The following UBE3D variants were observed in gnomAD, a reference collection of about 807,000 sequenced individuals.
The protein encoded by UBE3D is E3 ubiquitin-protein ligase E3D.
UBE3D carries 48 observed loss-of-function variants against 49.6 expected under a neutral mutation model. That is an observed-to-expected ratio of 0.97 (90% confidence interval 0.77 to 1.23). The LOEUF (loss-of-function observed/expected upper bound fraction) is 1.23. Ranked by LOEUF, UBE3D falls within the 50% of genes most tolerant of loss-of-function variation. UBE3D has a pLI of 0.00. For synonymous variants in UBE3D, 189 were observed against 174.2 expected, an observed-to-expected ratio of 1.08 and a Z score of -0.67; for missense variants, 452 against 468.4, an observed-to-expected ratio of 0.96 and a Z score of 0.32.
intron 8 of UBE3D, among the ~76,000 whole-genome samples, chr6:82,961,575 T>C (rs920274037): frequency 1.3e-5 from 2 of 152,218 alleles, no homozygotes; most frequent in East Asian, 3.8e-4. Context: ...CACACCACAC[T>C]GACTGCTGAG....
chr6:82,993,078 TGGTGTTA>T (rs1207508613), intron 8 of UBE3D, among the ~76,000 whole-genome samples: 1 of 151,514 alleles, frequency 6.6e-6, no homozygotes, highest in Non-Finnish European at 1.5e-5. Context: ...ACCTTATCTC[TGGTGTTA>T]GGTTATTGTG....
At chr6:83,040,479 C>T (rs1421144346) in intron 4 of UBE3D, among the ~76,000 whole-genome samples, 1 of 151,884 alleles carries the variant, frequency 6.6e-6, no homozygotes, top group Non-Finnish European at 1.5e-5. Context: ...TTCTCTATGG[C>T]CTATTCTTTC....
At chr6:82,920,469 A>C (rs1040803367) in intron 9 of UBE3D, among the ~76,000 whole-genome samples, 39 of 152,234 alleles carry the variant, frequency 2.6e-4, no homozygotes, top group African/African-American at 9.2e-4. Flanking sequence ...CTGCCTTTTA[A>C]AATAACAATG....
At chr6:82,926,346 A>G (rs1035947405) in intron 9 of UBE3D, among the ~76,000 whole-genome samples, 1 of 152,062 alleles carries the variant, frequency 6.6e-6, no homozygotes, top group Admixed American at 6.6e-5. Context: ...TATGTATCAT[A>G]GTTTATCCAT....
At chr6:82,883,739 G>C in the UBE3D span, among the ~76,000 whole-genome samples, 2 of 152,100 alleles carry the variant, frequency 1.3e-5, no homozygotes, top group African/African-American at 4.8e-5. Flanking sequence ...TTTCACCAAA[G>C]CCATAGTCCC....
At chr6:83,000,622 G>A (rs779865039) in intron 8 of UBE3D, among the ~76,000 whole-genome samples, 25 of 152,074 alleles carry the variant, frequency 1.6e-4, no homozygotes, top group Non-Finnish European at 2.8e-4. Context: ...ATGTTCAATC[G>A]GTTCTTATTG....
intron 8 of UBE3D, among the ~76,000 whole-genome samples, chr6:83,016,747 A>G (rs1780726519): frequency 6.6e-6 from 1 of 152,050 alleles, no homozygotes; most frequent in Non-Finnish European, 1.5e-5. Context: ...AACTCACACA[A>G]TCTCAAGGTC....
chr6:82,923,547 C>A (rs926318426), intron 9 of UBE3D, among the ~76,000 whole-genome samples: 2 of 151,892 alleles, frequency 1.3e-5, no homozygotes, highest in South Asian at 2.1e-4. Context: ...CATCACACAC[C>A]AGAGCCTGGG....
At chr6:82,952,065 C>G (rs1775839588) in intron 9 of UBE3D, among the ~76,000 whole-genome samples, 2 of 152,168 alleles carry the variant, frequency 1.3e-5, no homozygotes, top group African/African-American at 2.4e-5. Context: ...CTAGGAGGAT[C>G]ACACTACCCC....
intron 8 of UBE3D, among the ~76,000 whole-genome samples, chr6:82,974,909 A>C (rs1777609264): frequency 6.6e-6 from 1 of 152,124 alleles, no homozygotes; most frequent in Non-Finnish European, 1.5e-5. Context: ...AAAGCTTATA[A>C]TTATCAGCCT....
intron 1 of UBE3D, among the ~76,000 whole-genome samples, chr6:83,062,965 G>A (rs76505677): frequency 0.012 from 1,761 of 152,108 alleles, 41 homozygotes; most frequent in African/African-American, 0.04. Flanking sequence ...AAGCTAAAAC[G>A]ATATAACTCC....
downstream of UBE3D, among the ~76,000 whole-genome samples, chr6:82,890,864 A>G (rs564645159): frequency 7.0e-4 from 107 of 152,336 alleles, 1 homozygote; most frequent in African/African-American, 2.4e-3. Flanking sequence ...ATAAACATAC[A>G]TTAGTATGGT....
intron 5 of UBE3D, among the ~76,000 whole-genome samples, chr6:83,024,834 A>T (rs1781344055): frequency 6.6e-6 from 1 of 152,146 alleles, no homozygotes; most frequent in Admixed American, 6.5e-5. Flanking sequence ...TGGGAGAAAG[A>T]TTAACGGTAT....
intron 8 of UBE3D, among the ~76,000 whole-genome samples, chr6:82,999,445 C>A (rs545793708): frequency 6.6e-6 from 1 of 152,082 alleles, no homozygotes; most frequent in Non-Finnish European, 1.5e-5. Flanking sequence ...AGTGCAGTGG[C>A]GCGATCTAGG....
chr6:83,033,546 GGTGA>G (rs1275711916), intron 5 of UBE3D, among the ~76,000 whole-genome samples: 1 of 152,036 alleles, frequency 6.6e-6, no homozygotes, highest in Admixed American at 6.5e-5. Context: ...TACTCATGAT[GGTGA>G]GTGAGTGACT....
chr6:82,981,006 C>T (rs62419171), intron 8 of UBE3D, among the ~76,000 whole-genome samples: 14,765 of 152,054 alleles, frequency 0.097, 826 homozygotes, highest in Non-Finnish European at 0.13. Flanking sequence ...TTTTAATCAA[C>T]GTAGTGATCA....
chr6:82,940,870 T>C (rs1774956213), intron 9 of UBE3D, among the ~76,000 whole-genome samples: 1 of 152,180 alleles, frequency 6.6e-6, no homozygotes, highest in Non-Finnish European at 1.5e-5. Flanking sequence ...TATTAATATA[T>C]ATATTTGTGT....
At chr6:82,913,147 A>C (rs1222730994) in intron 9 of UBE3D, among the ~76,000 whole-genome samples, 4 of 152,172 alleles carry the variant, frequency 2.6e-5, no homozygotes, top group Non-Finnish European at 4.4e-5. Context: ...GCTCTGACTT[A>C]GCTTCTCTAA....
At chr6:83,041,972 CA>C (rs1349776191) in intron 4 of UBE3D, among the ~76,000 whole-genome samples, 7 of 151,878 alleles carry the variant, frequency 4.6e-5, no homozygotes, top group African/African-American at 1.7e-4. Flanking sequence ...TGCAGTGGTG[CA>C]ATCTTGGCTC....
Sources: allele counts gnomAD v4.1 joint callset (sites outside exome capture counted in the v4.1 genomes callset), GRCh38; gene constraint gnomAD v4.1.1; transcripts MANE v1.5; gene names NCBI Gene and HGNC (gene_info 2026-07-23, HGNC 2026-07-21).